The following PAK3 variants were observed in gnomAD, a reference collection of about 807,000 sequenced individuals.
PAK3 encodes the protein p21 (RAC1) activated kinase 3.
A neutral mutation model predicts 41.0 loss-of-function variants in PAK3; 4 were observed. The ratio of observed to expected loss-of-function variants is 0.10; its 90% CI spans 0.05 to 0.22. The LOEUF is 0.22. PAK3 is among the 10% of genes least tolerant of loss of function. The probability of loss-of-function intolerance (pLI) is 1.00; values close to 1 mark genes in which losing one functional copy is unlikely to be tolerated. For missense variants in PAK3, 205 were observed against 409.9 expected, an observed-to-expected ratio of 0.50 and a Z score of 4.32; for synonymous variants, 146 against 139.6, an observed-to-expected ratio of 1.05 and a Z score of -0.32.
chrX:110,957,140 G>A (rs2090877529), intron 1 of PAK3, among the ~76,000 whole-genome samples: 1 of 112,107 alleles, frequency 8.9e-6, no homozygotes, highest in Non-Finnish European at 1.9e-5. Context: ...TATTGTTCCT[G>A]CTACTTTTAC....
chrX:111,064,809 C>A (rs1280214186), intron 1 of PAK3, among the ~76,000 whole-genome samples: 1 of 111,808 alleles, frequency 8.9e-6, no homozygotes, highest in Non-Finnish European at 1.9e-5. Context: ...GGATATATAC[C>A]CAGTAATGGG....
intron 17 of PAK3, among the ~76,000 whole-genome samples, chrX:111,218,108 A>G (rs900061803): frequency 8.9e-6 from 1 of 112,163 alleles, no homozygotes; most frequent in African/African-American, 3.2e-5. Context: ...CTCTGACTCT[A>G]GCCTATTATT....
chrX:111,088,819 G>A (rs1260865204), intron 1 of PAK3, among the ~76,000 whole-genome samples: 8 of 111,860 alleles, frequency 7.2e-5, no homozygotes, highest in Non-Finnish European at 1.3e-4. Flanking sequence ...TACAACTGCC[G>A]TGTGACCTTG....
intron 1 of PAK3, among the ~76,000 whole-genome samples, chrX:110,987,256 C>T (rs2091560610): frequency 8.9e-6 from 1 of 112,378 alleles, no homozygotes. Flanking sequence ...AATTGCATGG[C>T]AAAAATAGAA....
At chrX:110,990,109 T>A (rs2091616090) in intron 1 of PAK3, among the ~76,000 whole-genome samples, 1 of 111,651 alleles carries the variant, frequency 9.0e-6, no homozygotes, top group African/African-American at 3.3e-5. Flanking sequence ...ATGCAAAGAA[T>A]CTGGGGCTCA....
At chrX:110,990,870 G>A (rs1344394035) in intron 1 of PAK3, among the ~76,000 whole-genome samples, 1 of 110,867 alleles carries the variant, frequency 9.0e-6, no homozygotes, top group Non-Finnish European at 1.9e-5. Context: ...GTTCATGCCT[G>A]TAATCCCAGC....
intron 5 of PAK3, among the ~76,000 whole-genome samples, chrX:111,127,523 G>A (rs1346152559): frequency 9.0e-6 from 1 of 111,146 alleles, no homozygotes; most frequent in African/African-American, 3.3e-5. Context: ...GCTGAATTTT[G>A]GTGTTAGAGC....
intron 11 of PAK3, among the ~76,000 whole-genome samples, chrX:111,185,084 T>C (rs1169986956): frequency 8.9e-5 from 10 of 112,143 alleles, no homozygotes; most frequent in Admixed American, 2.8e-4. Flanking sequence ...TTTTTAATGA[T>C]CGCCATTCTA....
At chrX:111,147,965 C>CCCACAGACATTT in intron 7 of PAK3, 75 bp downstream of exon 7, 1 of 894,688 alleles carries the variant, frequency 1.1e-6, no homozygotes, top group Non-Finnish European at 1.6e-6. Flanking sequence ...AACAAAATGT[C>CCCACAGACATTT]TGTGGGACAT....
chrX:111,136,889 TG>T (rs760012427), intron 5 of PAK3, among the ~76,000 whole-genome samples: 2 of 112,100 alleles, frequency 1.8e-5, no homozygotes, highest in Non-Finnish European at 3.8e-5. Context: ...TGGTATTTTA[TG>T]GAACTCTACA....
At chrX:111,199,641 G>T in intron 16 of PAK3, among the ~76,000 whole-genome samples, 1 of 111,691 alleles carries the variant, frequency 9.0e-6, no homozygotes. Flanking sequence ...GGTGGGTATT[G>T]AGTGGAACAC....
rs766838309 is a variant in PAK3, at chrX:111,118,250, G to T, written c.-27-4827G>T. Among the ~76,000 whole-genome samples, 19 of 111,471 alleles carry T rather than the reference G, an allele frequency of 1.7e-4. 1 individual carries two copies. In the East Asian group the frequency reaches 4.2e-3, roughly 25 times the overall value. ...CATAAGTGAGGTGGTTGGTTCTTTT[G>T]TAAATAACGCATCTAAGATAAAGTG... On this transcript the variant is annotated intron_variant, in intron 4 of 17. Coordinates refer to ENST00000372007, the MANE Select transcript of PAK3 (RefSeq NM_002578.5).
chrX:111,115,797 A>C (rs748443325), intron 4 of PAK3, among the ~76,000 whole-genome samples: 7 of 111,382 alleles, frequency 6.3e-5, no homozygotes, highest in African/African-American at 1.6e-4. Flanking sequence ...AATAACACCA[A>C]ATCTCCATTG....
At chrX:111,127,631 T>A (rs112287382) in intron 5 of PAK3, among the ~76,000 whole-genome samples, 156 of 110,931 alleles carry the variant, frequency 1.4e-3, no homozygotes, top group African/African-American at 4.7e-3. Context: ...CCATATGGGT[T>A]GATTTTATTT....
intron 16 of PAK3, among the ~76,000 whole-genome samples, chrX:111,204,925 C>T (rs1269942307): frequency 1.7e-5 from 1 of 60,079 alleles, no homozygotes; most frequent in Non-Finnish European, 3.0e-5. Context: ...GCTCAGATGG[C>T]AAAGTTCATC....
At position 111,129,459 on chromosome X, in the gene PAK3, G is replaced by A. The variant is rs181098728; in HGVS notation, c.175+6181G>A. On this transcript the variant is annotated intron_variant, in intron 5 of 17. Transcript: ENST00000372007. ...CCCTTTTGGAAACCTGAAGGACATGGCATCTTGCTTGTCCTCTAGGGTCAG... is the reference window on the plus strand; with the variant it reads ...CCCTTTTGGAAACCTGAAGGACATGACATCTTGCTTGTCCTCTAGGGTCAG... 2.4e-4 allele frequency among the ~76,000 whole-genome samples: 27 copies of A among 111,432 alleles called. No homozygotes were observed. The East Asian group carries it at 7.4e-3, about 30-fold the overall frequency.
In PAK3 at chrX:111,222,489, A is replaced by G. The variant is rs2094932917; in HGVS notation, c.*2042A>G. 1 of 112,474 alleles carries G rather than the reference A, an allele frequency of 8.9e-6. No individual in the cohort carries two copies. Among genetic ancestry groups the G allele is most frequent in the South Asian group, 3.7e-4 (1 of 2,724 alleles). The allele number at this position is 112,474 out of a possible 1,213,427, so 9.3% of individuals were successfully genotyped here. On this transcript the variant is annotated 3_prime_UTR_variant, in exon 18 of 18. Coordinates refer to ENST00000372007, the MANE Select transcript of PAK3 (RefSeq NM_002578.5). The stretch of plus-strand genomic sequence containing the variant: ...TGAAACGGTAATATTAATTTGAAGC[A>G]TACTATGTTATACTTTGCAAAAACG...
chrX:111,201,099 C>T (rs1042708974), intron 16 of PAK3, among the ~76,000 whole-genome samples: 1 of 111,971 alleles, frequency 8.9e-6, no homozygotes, highest in African/African-American at 3.2e-5. Context: ...TTGAATTCCA[C>T]TGATAAGGAT....
chrX:111,099,174 C>T (rs2093073781), intron 3 of PAK3, among the ~76,000 whole-genome samples: 1 of 112,598 alleles, frequency 8.9e-6, no homozygotes, highest in Admixed American at 9.3e-5. Flanking sequence ...CCATTTCCTC[C>T]CAGATATGCG....
Sources: allele counts gnomAD v4.1 joint callset (sites outside exome capture counted in the v4.1 genomes callset), GRCh38; gene constraint gnomAD v4.1.1; transcripts MANE v1.5; gene names NCBI Gene and HGNC (gene_info 2026-07-23, HGNC 2026-07-21).